The following CD86 variants were observed in gnomAD, a reference collection of about 807,000 sequenced individuals.
CD86 encodes CD86 molecule, also known as T-lymphocyte activation antigen CD86.
A neutral mutation model predicts 32.1 loss-of-function variants in CD86; 11 were observed. That is an observed-to-expected ratio of 0.34 (90% CI 0.22 to 0.57). The LOEUF (loss-of-function observed/expected upper bound fraction) is 0.57. CD86 is among the 20% of genes least tolerant of loss of function. The pLI, the probability that CD86 is intolerant of heterozygous loss-of-function variation, is 0.86. For synonymous variants in CD86, 137 were observed against 135.3 expected, an observed-to-expected ratio of 1.01 and a Z score of -0.09; for missense variants, 359 against 398.4, an observed-to-expected ratio of 0.90 and a Z score of 0.84.
chr3:122,068,872 G>A (rs1465386104), intron 1 of CD86, among the ~76,000 whole-genome samples: 1 of 152,160 alleles, frequency 6.6e-6, no homozygotes, highest in Non-Finnish European at 1.5e-5. Context: ...CTTCCCCCAG[G>A]AAGTCCTCTC....
chr3:122,107,687 C>G (rs951107515), intron 4 of CD86, among the ~76,000 whole-genome samples: 3 of 152,162 alleles, frequency 2.0e-5, no homozygotes, highest in Admixed American at 6.5e-5. Flanking sequence ...CTTGGCTTGC[C>G]CCCTCCAGTG....
intron 5 of CD86, among the ~76,000 whole-genome samples, chr3:122,109,638 G>A (rs1267689170): frequency 6.6e-6 from 1 of 152,214 alleles, no homozygotes; most frequent in Non-Finnish European, 1.5e-5. Flanking sequence ...GTTTACAAAT[G>A]TACTTCTGGT....
rs181949645 is a variant in CD86, at chr3:122,077,199, C to A, written c.15-14402C>A. Among the ~76,000 whole-genome samples, 6 of 152,298 alleles carry A rather than the reference C, an allele frequency of 3.9e-5. No homozygotes were observed. The East Asian group carries it at 1.2e-3, about 29-fold the overall frequency. ...GCCTGATCAGGGCAGAAAAAGGAGG[C>A]ATGCACCTGGGGGAGGATCACATAC... is the stretch of plus-strand genomic sequence containing the variant. On this transcript the variant is annotated intron_variant, in intron 1 of 6. Transcript: ENST00000330540.
intron 5 of CD86, 130 bp from the exon 6 acceptor site, chr3:122,117,918 C>G: frequency 1.4e-6 from 1 of 723,460 alleles, no homozygotes; most frequent in Non-Finnish European, 2.4e-6. Context: ...ATTTGAGTAA[C>G]TATCTCTTCC....
intron 1 of CD86, among the ~76,000 whole-genome samples, chr3:122,066,260 G>C (rs1042441449): frequency 6.6e-6 from 1 of 152,130 alleles, no homozygotes; most frequent in African/African-American, 2.4e-5. Flanking sequence ...CACTTAGAAG[G>C]TTGAATGGTT....
chr3:122,106,478 T>C lies in CD86; in HGVS notation c.681T>C (p.Leu227=). 6.2e-7 allele frequency: 1 copy of C among 1,610,194 alleles called. No individual in the cohort carries two copies. The highest frequency in any genetic ancestry group is 8.5e-7 in the Non-Finnish European group (1 of 1,177,606). ...TTCTGGAAACTGACAAGACGCGGCT[T>C]TTATCTTCACCTTTCTCTATAGGTA... ...FCILETDKTR[L]LSSPFSIELE... is the part of the protein sequence containing the mutation. The change falls in exon 4 of 7, where the codon CTT becomes CTC. Residue 227 remains leucine, a synonymous_variant. Coordinates refer to ENST00000330540, the MANE Select transcript of CD86 (RefSeq NM_175862.5).
At chr3:122,060,416 T>C (rs1451435374) in intron 1 of CD86, among the ~76,000 whole-genome samples, 1 of 151,958 alleles carries the variant, frequency 6.6e-6, no homozygotes, top group Non-Finnish European at 1.5e-5. Flanking sequence ...TGGAGTAAAC[T>C]CACCTCTGCT....
At chr3:122,091,438 C>A (rs1416974541) in intron 1 of CD86, among the ~76,000 whole-genome samples, 163 bp from the exon 2 acceptor site, 1 of 152,152 alleles carries the variant, frequency 6.6e-6, no homozygotes, top group African/African-American at 2.4e-5. Flanking sequence ...ATCGATGGAG[C>A]TAAGAGCAAA....
At chr3:122,056,201 G>A (rs999168510) in intron 1 of CD86, among the ~76,000 whole-genome samples, 1 of 152,152 alleles carries the variant, frequency 6.6e-6, no homozygotes, top group African/African-American at 2.4e-5. Context: ...ATAAGGGGTA[G>A]AGCTAAAATC....
intron 1 of CD86, among the ~76,000 whole-genome samples, chr3:122,065,677 C>A (rs939981976): frequency 6.6e-6 from 1 of 152,082 alleles, no homozygotes; most frequent in Admixed American, 6.6e-5. Context: ...GAAAGTGAGG[C>A]CCTAACAAGG....
intron 1 of CD86, among the ~76,000 whole-genome samples, chr3:122,058,536 C>T (rs914871307): frequency 1.3e-5 from 2 of 152,122 alleles, no homozygotes; most frequent in Non-Finnish European, 2.9e-5. Flanking sequence ...GGTTTAAAGT[C>T]TCAAGACCTG....
chr3:122,094,574 G>A (rs1201971424), intron 2 of CD86, among the ~76,000 whole-genome samples: 12 of 152,190 alleles, frequency 7.9e-5, no homozygotes, highest in Non-Finnish European at 1.8e-4. Context: ...TGCTTACTGG[G>A]CTGGTGAACA....
intron 5 of CD86, among the ~76,000 whole-genome samples, chr3:122,113,671 A>G (rs774576416): frequency 6.6e-6 from 1 of 152,160 alleles, no homozygotes; most frequent in Non-Finnish European, 1.5e-5. Context: ...TTGTCTATTC[A>G]TGTCCTTATA....
intron 1 of CD86, among the ~76,000 whole-genome samples, chr3:122,073,176 G>A (rs1005053538): frequency 3.4e-5 from 5 of 147,676 alleles, no homozygotes; most frequent in Admixed American, 6.7e-5. Context: ...ATCCTCAGCA[G>A]CATTTGGTAT....
chr3:122,094,960 A>G (rs1435066976), intron 2 of CD86, among the ~76,000 whole-genome samples: 1 of 152,222 alleles, frequency 6.6e-6, no homozygotes, highest in African/African-American at 2.4e-5. Context: ...TGGCACCTCC[A>G]TCACACTTTT....
At chr3:122,096,927 C>G (rs555455019) in intron 2 of CD86, among the ~76,000 whole-genome samples, 2 of 152,180 alleles carry the variant, frequency 1.3e-5, no homozygotes, top group Non-Finnish European at 2.9e-5. Context: ...ATTTTGTGCA[C>G]ATGTATCTTT....
intron 5 of CD86, among the ~76,000 whole-genome samples, chr3:122,112,226 G>T (rs2073184754): frequency 1.3e-5 from 2 of 152,098 alleles, no homozygotes; most frequent in Admixed American, 1.3e-4. Flanking sequence ...TGCCTCCCTA[G>T]AACAAACCTA....
chr3:122,100,727 T>C (rs2072986680), intron 2 of CD86, among the ~76,000 whole-genome samples: 1 of 152,184 alleles, frequency 6.6e-6, no homozygotes, highest in South Asian at 2.1e-4. Context: ...TTCCTTCAGC[T>C]GATTACGAAG....
intron 1 of CD86, among the ~76,000 whole-genome samples, chr3:122,072,830 T>A (rs1432385136): frequency 6.6e-6 from 1 of 152,072 alleles, no homozygotes; most frequent in Non-Finnish European, 1.5e-5. Flanking sequence ...AATGGTAATG[T>A]CTAGGTTTTC....
Sources: gnomAD v4.1 joint callset for allele counts (sites outside exome capture counted in the v4.1 genomes callset) on GRCh38, gnomAD v4.1.1 for gene constraint, MANE v1.5 for transcripts, NCBI Gene and HGNC (gene_info 2026-07-23, HGNC 2026-07-21) for gene names.